CELF2: variants seen among roughly 807,000 people sequenced by gnomAD.
CELF2 encodes CUGBP Elav-like family member 2.
CELF2 carries 8 observed loss-of-function variants against 62.6 expected under a neutral mutation model. That is an observed-to-expected ratio of 0.13 (90% CI 0.07 to 0.23). The LOEUF is 0.23. Ranked by LOEUF, CELF2 falls within the 10% of genes least tolerant of loss-of-function variation. The probability of loss-of-function intolerance (pLI) is 1.00; values close to 1 mark genes in which losing one functional copy is unlikely to be tolerated. For missense variants in CELF2, 333 were observed against 671.0 expected (o/e 0.50, Z 5.56); for synonymous variants, 258 against 250.0 (o/e 1.03, Z -0.30).
chr10:11,053,910 G>A (rs955744461), intron 1 of CELF2, among the ~76,000 whole-genome samples: 5 of 151,866 alleles, frequency 3.3e-5, no homozygotes, highest in East Asian at 1.9e-4. Flanking sequence ...CACCGCACCC[G>A]GCCTGATATT....
At chr10:11,070,041 GC>G (rs1342881499) in intron 1 of CELF2, among the ~76,000 whole-genome samples, 2 of 152,162 alleles carry the variant, frequency 1.3e-5, no homozygotes, top group African/African-American at 4.8e-5. Flanking sequence ...ATTTGGGTTT[GC>G]TATTTAAGTT....
chr10:11,225,507 G>A (rs891438335), intron 3 of CELF2, among the ~76,000 whole-genome samples: 1 of 152,174 alleles, frequency 6.6e-6, no homozygotes, highest in African/African-American at 2.4e-5. Context: ...TGATGGGTTA[G>A]TCATTTTAGA....
intron 9 of CELF2, 125 bp downstream of exon 9, chr10:11,288,677 CTG>C: frequency 9.8e-7 from 1 of 1,021,516 alleles, no homozygotes; most frequent in South Asian, 1.7e-5. Flanking sequence ...CTATACTGGG[CTG>C]CTTTATGTCA....
intron 9 of CELF2, among the ~76,000 whole-genome samples, chr10:11,293,345 T>C (rs2092762437): frequency 6.6e-6 from 1 of 152,222 alleles, no homozygotes; most frequent in Non-Finnish European, 1.5e-5. Context: ...ATAAGAAGAT[T>C]TTTGGCGGTA....
At chr10:10,789,111 T>C in the CELF2 span, 1 of 152,130 alleles carries the variant, frequency 6.6e-6, no homozygotes, top group Non-Finnish European at 1.5e-5. Context: ...TGAATGTTTC[T>C]AGAAAAGCAA....
At chr10:10,667,425 A>G in the CELF2 span, among the ~76,000 whole-genome samples, 1 of 152,240 alleles carries the variant, frequency 6.6e-6, no homozygotes, top group Admixed American at 6.5e-5. Context: ...GAGTGCTCTC[A>G]GGTGTCAATA....
At chr10:11,170,186 G>A (rs2068412929) in intron 2 of CELF2, among the ~76,000 whole-genome samples, 1 of 152,176 alleles carries the variant, frequency 6.6e-6, no homozygotes, top group Non-Finnish European at 1.5e-5. Context: ...CAAAGTGTAA[G>A]GTAGAGATGA....
At chr10:10,918,632 G>A (rs1005155454) in intron 1 of CELF2, among the ~76,000 whole-genome samples, 2 of 152,284 alleles carry the variant, frequency 1.3e-5, no homozygotes, top group Middle Eastern at 3.4e-3. Flanking sequence ...TCCTCTGTTT[G>A]AATTGACACA....
intron 2 of CELF2, among the ~76,000 whole-genome samples, chr10:11,176,165 G>A (rs957738638): frequency 4.7e-4 from 72 of 152,204 alleles, no homozygotes; most frequent in Admixed American, 4.6e-3. Context: ...TTACATGCCC[G>A]TATCTCCTCT....
chr10:10,879,492 C>T (rs2061318954), intron 1 of CELF2, among the ~76,000 whole-genome samples: 1 of 152,142 alleles, frequency 6.6e-6, no homozygotes, highest in African/African-American at 2.4e-5. Flanking sequence ...CACAGATTCT[C>T]AGAATTACAA....
At chr10:10,720,515 C>T in the CELF2 span, among the ~76,000 whole-genome samples, 1 of 152,124 alleles carries the variant, frequency 6.6e-6, no homozygotes, top group Non-Finnish European at 1.5e-5. Context: ...ATCTGTGGCC[C>T]TATGTTGGGA....
upstream of CELF2, among the ~76,000 whole-genome samples, chr10:11,004,363 T>G (rs2054840564): frequency 6.6e-6 from 1 of 152,092 alleles, no homozygotes; most frequent in Non-Finnish European, 1.5e-5. This position sits in a 1 kb window ranked among gnomAD's most constrained non-coding sequence, Gnocchi z 5.0. Context: ...AGCTTGCACT[T>G]TTGATGACGG....
chr10:11,327,648 G>A (rs1181975960), intron 12 of CELF2, among the ~76,000 whole-genome samples: 1 of 152,108 alleles, frequency 6.6e-6, no homozygotes, highest in Non-Finnish European at 1.5e-5. Flanking sequence ...AGACCCAGAG[G>A]GAAAGGAAAG....
chr10:10,857,927 T>A (rs2059840259), intron 1 of CELF2, among the ~76,000 whole-genome samples: 1 of 151,860 alleles, frequency 6.6e-6, no homozygotes, highest in Admixed American at 6.6e-5. Flanking sequence ...GTACAGACGC[T>A]AATTTTTTTT....
chr10:10,910,895 C>A (rs930337960), intron 1 of CELF2, among the ~76,000 whole-genome samples: 3 of 152,118 alleles, frequency 2.0e-5, no homozygotes, highest in African/African-American at 7.2e-5. Context: ...TTTGCGACTG[C>A]CAAAGTCTAA....
chr10:11,162,607 T>G (rs1359848405), intron 1 of CELF2, among the ~76,000 whole-genome samples: 7 of 140,360 alleles, frequency 5.0e-5, no homozygotes, highest in East Asian at 2.2e-4. Context: ...TAAACTGGGG[T>G]GGGGGGGGTG....
the CELF2 span, among the ~76,000 whole-genome samples, chr10:10,525,437 A>G: frequency 1.3e-5 from 2 of 152,176 alleles, no homozygotes; most frequent in East Asian, 1.9e-4. Flanking sequence ...TCTTCTTCCA[A>G]TGCATCCCAG....
chr10:10,499,070 T>A, the CELF2 span, among the ~76,000 whole-genome samples: 1 of 43,568 alleles, frequency 2.3e-5, no homozygotes, highest in South Asian at 8.8e-4. Flanking sequence ...AGCATTCTAC[T>A]TTTTTTTTTT....
the CELF2 span, among the ~76,000 whole-genome samples, chr10:10,657,640 G>T: frequency 6.6e-6 from 1 of 152,106 alleles, no homozygotes; most frequent in Non-Finnish European, 1.5e-5. Context: ...TAAAGTTTAA[G>T]TATATACCAA....
Sources: gnomAD v4.1 joint callset for allele counts (sites outside exome capture counted in the v4.1 genomes callset) on GRCh38, gnomAD v4.1.1 for gene constraint, Gnocchi (gnomAD v3.1) non-coding constraint, MANE v1.5 for transcripts, NCBI Gene and HGNC (gene_info 2026-07-23, HGNC 2026-07-21) for gene names.